Variants in TMEM232 observed in about 807,000 individuals in gnomAD.
TMEM232 encodes transmembrane protein 232.
TMEM232 carries 80 observed loss-of-function variants against 78.8 expected under a neutral mutation model. The observed-to-expected ratio is 1.01, with a 90% CI of 0.85 to 1.22. The LOEUF (loss-of-function observed/expected upper bound fraction) is 1.22. Among genes scored for constraint, TMEM232 ranks in the 50% most tolerant of loss-of-function variants. TMEM232 has a pLI of 0.00. For missense variants in TMEM232, 881 were observed against 742.2 expected (o/e 1.19, Z -2.17); for synonymous variants, 297 against 254.3 (o/e 1.17, Z -1.60).
chr5:110,430,869 T>C (rs12520663), intron 12 of TMEM232, among the ~76,000 whole-genome samples: 1 of 151,870 alleles, frequency 6.6e-6, no homozygotes, highest in Admixed American at 6.6e-5. Context: ...GCATTCATGA[T>C]ACATTAAGCA....
chr5:110,516,257 A>AT (rs947683876), intron 12 of TMEM232, among the ~76,000 whole-genome samples: 2 of 151,984 alleles, frequency 1.3e-5, no homozygotes, highest in African/African-American at 2.4e-5. Context: ...CAAAAAAAAA[A>AT]TTTTTTTTGA....
chr5:110,408,777 A>T (rs1022220023), intron 2 of TMEM232, among the ~76,000 whole-genome samples: 5 of 152,066 alleles, frequency 3.3e-5, no homozygotes, highest in Admixed American at 1.3e-4. Context: ...GAGTCATTAG[A>T]GATTATTATG....
intron 10 of TMEM232, among the ~76,000 whole-genome samples, chr5:110,587,675 A>G (rs1193439792): frequency 2.1e-5 from 2 of 94,178 alleles, no homozygotes; most frequent in African/African-American, 1.1e-4. Flanking sequence ...ATATATATAT[A>G]TATATATATA....
At chr5:110,634,029 A>G (rs1038095630) in intron 5 of TMEM232, among the ~76,000 whole-genome samples, 3 of 152,316 alleles carry the variant, frequency 2.0e-5, no homozygotes, top group Non-Finnish European at 2.9e-5. Flanking sequence ...TGAAATCAAA[A>G]GCAAGTAGGA....
upstream of TMEM232, chr5:110,738,870 C>A: frequency 1.2e-6 from 1 of 850,598 alleles, no homozygotes; most frequent in Non-Finnish European, 1.7e-6. Context: ...CCCACCTATT[C>A]CCTAACGACA....
At chr5:110,517,536 C>G (rs1768855662) in intron 12 of TMEM232, among the ~76,000 whole-genome samples, 1 of 152,316 alleles carries the variant, frequency 6.6e-6, no homozygotes, top group Non-Finnish European at 1.5e-5. Context: ...CTCCATTCCA[C>G]TCACCTCTGT....
chr5:110,530,484 T>C (rs1771285812), intron 11 of TMEM232, among the ~76,000 whole-genome samples: 1 of 152,126 alleles, frequency 6.6e-6, no homozygotes, highest in Non-Finnish European at 1.5e-5. Context: ...TAAGTGTCCA[T>C]CAACAGATGA....
chr5:110,662,802 G>C lies in TMEM232; in HGVS notation c.125+4426C>G, dbSNP rs1048969464. 3.0e-3 allele frequency among the ~76,000 whole-genome samples: 455 copies of C among 152,126 alleles called. 3 individuals carry two copies. Among genetic ancestry groups the C allele is most frequent in the African/African-American group, 0.01 (434 of 41,528 alleles). Reference sequence around the variant, plus strand: ...ACATTTTAAAAAGAAAATCAGACTTGTGCTTAATATTATTTACAAAAATTT... The same window carrying C: ...ACATTTTAAAAAGAAAATCAGACTTCTGCTTAATATTATTTACAAAAATTT... On this transcript the variant is annotated intron_variant, in intron 2 of 13. Coordinates refer to ENST00000455884, the MANE Select transcript of TMEM232 (RefSeq NM_001039763.4).
chr5:110,471,665 C>T (rs913435842), intron 12 of TMEM232, among the ~76,000 whole-genome samples: 9 of 150,502 alleles, frequency 6.0e-5, no homozygotes, highest in African/African-American at 1.7e-4. Flanking sequence ...GAATTCTATA[C>T]CTAGCAGACC....
intron 11 of TMEM232, among the ~76,000 whole-genome samples, chr5:110,530,046 A>G (rs1771200832): frequency 6.6e-6 from 1 of 152,204 alleles, no homozygotes; most frequent in Admixed American, 6.5e-5. Context: ...GCGATAGGAA[A>G]GACAGAAATA....
chr5:110,670,838 G>T (rs1415814138), intron 1 of TMEM232, among the ~76,000 whole-genome samples: 1 of 151,930 alleles, frequency 6.6e-6, no homozygotes, highest in Non-Finnish European at 1.5e-5. Flanking sequence ...TGCATCATAA[G>T]GTACAGCTAA....
At chr5:110,645,664 A>G (rs143585433) in intron 2 of TMEM232, among the ~76,000 whole-genome samples, 1 of 151,826 alleles carries the variant, frequency 6.6e-6, no homozygotes, top group African/African-American at 2.4e-5. Context: ...ACACTATACA[A>G]GACAAGGATG....
chr5:110,459,889 C>G (rs1761310078), intron 12 of TMEM232, among the ~76,000 whole-genome samples: 1 of 152,100 alleles, frequency 6.6e-6, no homozygotes, highest in Non-Finnish European at 1.5e-5. Flanking sequence ...TAACCTGCAA[C>G]TAATCATGAG....
intron 10 of TMEM232, among the ~76,000 whole-genome samples, chr5:110,591,671 G>C (rs1175420872): frequency 6.6e-6 from 1 of 152,018 alleles, no homozygotes; most frequent in African/African-American, 2.4e-5. Flanking sequence ...ATTAGGTAAT[G>C]AAAATAAGTT....
chr5:110,467,737 T>C (rs1267105743), intron 12 of TMEM232, among the ~76,000 whole-genome samples: 2 of 152,192 alleles, frequency 1.3e-5, no homozygotes, highest in African/African-American at 4.8e-5. Context: ...TTGGGTAGAT[T>C]CAAAAATAAA....
intron 2 of TMEM232, among the ~76,000 whole-genome samples, chr5:110,654,372 A>T (rs2150072522): frequency 6.6e-6 from 1 of 152,334 alleles, no homozygotes; most frequent in East Asian, 1.9e-4. Context: ...ACATATGGCT[A>T]GCCAGTTTTC....
At chr5:110,613,116 T>G (rs1338094668) in intron 8 of TMEM232, among the ~76,000 whole-genome samples, 4 of 152,290 alleles carry the variant, frequency 2.6e-5, no homozygotes, top group Non-Finnish European at 4.4e-5. Context: ...TTCAGTGTAT[T>G]CTTTCCCCAG....
At chr5:110,697,718 C>G (rs182440095) in intron 1 of TMEM232, among the ~76,000 whole-genome samples, 1 of 152,170 alleles carries the variant, frequency 6.6e-6, no homozygotes, top group Non-Finnish European at 1.5e-5. Flanking sequence ...CACTGGCCAT[C>G]AGAGAAATGC....
intron 10 of TMEM232, among the ~76,000 whole-genome samples, chr5:110,588,961 A>C (rs1374912403): frequency 6.6e-6 from 1 of 152,094 alleles, no homozygotes; most frequent in Non-Finnish European, 1.5e-5. Context: ...AGAAGACATC[A>C]TTTCCAAGTT....
Sources: gnomAD v4.1 joint callset for allele counts (sites outside exome capture counted in the v4.1 genomes callset) on GRCh38, gnomAD v4.1.1 for gene constraint, MANE v1.5 for transcripts, NCBI Gene and HGNC (gene_info 2026-07-23, HGNC 2026-07-21) for gene names.